OPA3: variants seen among roughly 807,000 people sequenced by gnomAD.
OPA3 encodes the protein outer mitochondrial membrane lipid metabolism regulator OPA3.
A neutral mutation model predicts 4.0 loss-of-function variants in OPA3; 6 were observed. The ratio of observed to expected loss-of-function variants is 1.51; its 90% CI spans 0.83 to 2.99. The LOEUF (loss-of-function observed/expected upper bound fraction) is 2.99. OPA3 is among the 30% of genes most tolerant of loss of function. The probability of loss-of-function intolerance (pLI) is 0.00; values close to 1 mark genes in which losing one functional copy is unlikely to be tolerated. For synonymous variants in OPA3, 105 were observed against 117.1 expected, an observed-to-expected ratio of 0.90 and a Z score of 0.67; for missense variants, 235 against 256.2, an observed-to-expected ratio of 0.92 and a Z score of 0.56.
chr19:45,541,549 A>G (rs1969185527), downstream of OPA3, among the ~76,000 whole-genome samples: 1 of 152,100 alleles, frequency 6.6e-6, no homozygotes, highest in Non-Finnish European at 1.5e-5. Flanking sequence ...CTACTAAAAA[A>G]TAAAACAAAA....
Position 45,553,308 on chromosome 19 carries a change from T to C in OPA3, c.*206A>G. 7 of 1,447,636 alleles carry C rather than the reference T, an allele frequency of 4.8e-6. No homozygotes were observed. The highest frequency in any genetic ancestry group is 6.3e-6 in the Non-Finnish European group (7 of 1,102,368). The allele number at this position is 1,447,636 out of a possible 1,614,324, so 89.7% of individuals were successfully genotyped here. On this transcript the variant is annotated 3_prime_UTR_variant, in exon 2 of 2. Transcript: ENST00000263275. ...GGAGTGGGGGATAGGAGGTGAAGGA[T>C]GATGGAGGGGGCTATGTTGCAACGC... is the stretch of plus-strand genomic sequence containing the variant.
chr19:45,552,494 G>C lies in OPA3; in HGVS notation c.*1020C>G, dbSNP rs1299845086. 6.6e-6 allele frequency: 1 copy of C among 151,762 alleles called. No individual in the cohort carries two copies. Among genetic ancestry groups the C allele is most frequent in the Non-Finnish European group, 1.5e-5 (1 of 68,272 alleles). 9.4% of individuals were successfully genotyped at this position (151,762 alleles called of 1,614,324 possible). On this transcript the variant is annotated 3_prime_UTR_variant, in exon 2 of 2. Transcript: ENST00000263275. ...CCACCTCGACCTTCCAAAGTGCTGGGATTGCAGGTGTGAGCCACCGTGCCC... is the reference window on the plus strand; with the variant it reads ...CCACCTCGACCTTCCAAAGTGCTGGCATTGCAGGTGTGAGCCACCGTGCCC...
chr19:45,570,678 C>T (rs919561295), intron 1 of OPA3, among the ~76,000 whole-genome samples: 22 of 151,594 alleles, frequency 1.5e-4, no homozygotes, highest in Non-Finnish European at 3.2e-4. Context: ...CAGAGTGAGA[C>T]TCCATCTTGG....
intron 1 of OPA3, among the ~76,000 whole-genome samples, chr19:45,561,176 A>G (rs1302785396): frequency 6.6e-6 from 1 of 152,094 alleles, no homozygotes; most frequent in Non-Finnish European, 1.5e-5. Flanking sequence ...TCTACTAAAA[A>G]TACAAAATTA....
In OPA3 at chr19:45,548,410, G is replaced by A; in HGVS notation, c.*5104C>T. The A allele has an allele frequency of 1.0e-5, 10 of 985,588 alleles. No homozygotes were observed. Among genetic ancestry groups the A allele is most frequent in the Non-Finnish European group, 1.2e-5 (10 of 830,026 alleles). The allele number at this position is 985,588 out of a possible 1,614,324, so 61.1% of individuals were successfully genotyped here. ...CACAGCCCTCAGGGCACCTCCCAGG[G>A]TTTTGTGAGCTGGGATGAATGGGTT... On this transcript the variant is annotated 3_prime_UTR_variant, in exon 2 of 2. Transcript: ENST00000263275.
chr19:45,534,725 C>T (rs1020830437), intron 1 of OPA3, among the ~76,000 whole-genome samples: 2 of 151,706 alleles, frequency 1.3e-5, no homozygotes, highest in Admixed American at 6.6e-5. Context: ...CTCCGCCTCC[C>T]AGGTTCAAGC....
chr19:45,548,907 G>T lies in OPA3; in HGVS notation c.*4607C>A. On this transcript the variant is annotated 3_prime_UTR_variant, in exon 2 of 2. Coordinates refer to ENST00000263275, the MANE Select transcript of OPA3 (RefSeq NM_025136.4). ...CAACCTCCGCCTCCCGGGTCCAAGAGATTCTCCTGCCTCAGCCTCCCGAGT... is the reference window on the plus strand; with the variant it reads ...CAACCTCCGCCTCCCGGGTCCAAGATATTCTCCTGCCTCAGCCTCCCGAGT... The T allele has an allele frequency of 2.9e-6, 1 of 348,420 alleles. No individual in the cohort carries two copies. The highest frequency in any genetic ancestry group is 4.0e-6 in the Non-Finnish European group (1 of 248,254). 21.6% of individuals were successfully genotyped at this position (348,420 alleles called of 1,614,324 possible).
intron 1 of OPA3, among the ~76,000 whole-genome samples, chr19:45,535,813 G>A (rs1239061557): frequency 2.9e-5 from 4 of 138,688 alleles, no homozygotes; most frequent in Non-Finnish European, 4.6e-5. Flanking sequence ...CACCCAGGCT[G>A]GAGTGCAATA....
chr19:45,532,067 A>G (rs1414059082), intron 1 of OPA3, among the ~76,000 whole-genome samples: 1 of 152,216 alleles, frequency 6.6e-6, no homozygotes. Context: ...GCTTTGGGCC[A>G]TGTGATATCA....
At chr19:45,564,751 T>C (rs1433098) in intron 1 of OPA3, among the ~76,000 whole-genome samples, 1 of 151,954 alleles carries the variant, frequency 6.6e-6, no homozygotes, top group African/African-American at 2.4e-5. Flanking sequence ...ACACCAACTA[T>C]CTCTTTTTTA....
intron 1 of OPA3, among the ~76,000 whole-genome samples, chr19:45,541,034 T>A (rs1212325795): frequency 6.6e-6 from 1 of 152,176 alleles, no homozygotes; most frequent in Non-Finnish European, 1.5e-5. Flanking sequence ...GCGCCATTGC[T>A]GTTAGTCTGA....
chr19:45,563,918 G>A (rs1176623128), intron 1 of OPA3, among the ~76,000 whole-genome samples: 6 of 150,082 alleles, frequency 4.0e-5, no homozygotes, highest in Non-Finnish European at 7.4e-5. Context: ...TTGAACTCCT[G>A]AGCTCAAGCA....
At chr19:45,557,951 G>A (rs943339292) in intron 1 of OPA3, among the ~76,000 whole-genome samples, 4 of 152,228 alleles carry the variant, frequency 2.6e-5, no homozygotes, top group Non-Finnish European at 4.4e-5. Context: ...AGTGAGTCCC[G>A]CCTCCAGCCT....
intron 1 of OPA3, among the ~76,000 whole-genome samples, chr19:45,536,265 C>T (rs928022864): frequency 1.6e-4 from 24 of 150,196 alleles, no homozygotes; most frequent in Admixed American, 7.3e-4. Context: ...AAATGTGGGC[C>T]GGGCACGGTG....
intron 1 of OPA3, among the ~76,000 whole-genome samples, chr19:45,565,301 T>C (rs1323985900): frequency 9.3e-5 from 14 of 151,288 alleles, no homozygotes; most frequent in Admixed American, 7.2e-4. Flanking sequence ...TTTCTATTAG[T>C]ATACCACTGA....
intron 1 of OPA3, among the ~76,000 whole-genome samples, chr19:45,574,190 G>T (rs1158757277): frequency 6.6e-6 from 1 of 151,682 alleles, no homozygotes; most frequent in Admixed American, 6.6e-5. Context: ...TCAGGAGATC[G>T]AGACCATCCT....
intron 1 of OPA3, among the ~76,000 whole-genome samples, chr19:45,566,464 C>T (rs7249273): frequency 0.038 from 5,134 of 134,256 alleles, 173 homozygotes; most frequent in African/African-American, 0.095. Context: ...ATCCACCAGC[C>T]TGATTTTTCT....
At position 45,549,220 on chromosome 19, in the gene OPA3, G is replaced by C; in HGVS notation, c.*4294C>G. On this transcript the variant is annotated 3_prime_UTR_variant, in exon 2 of 2. Coordinates refer to ENST00000263275, the MANE Select transcript of OPA3 (RefSeq NM_025136.4). ...TACAAGGTACACAGAATTCTAGCTA[G>C]CAGAACACACGAGCAGTGAACCATC... 2 of 985,384 alleles carry C rather than the reference G, an allele frequency of 2.0e-6. No individual in the cohort carries two copies. Among genetic ancestry groups the C allele is most frequent in the Non-Finnish European group, 2.4e-6 (2 of 829,940 alleles). The allele number at this position is 985,384 out of a possible 1,614,324, so 61.0% of individuals were successfully genotyped here.
At chr19:45,560,642 C>T (rs573868784) in intron 1 of OPA3, among the ~76,000 whole-genome samples, 30 of 152,278 alleles carry the variant, frequency 2.0e-4, no homozygotes, top group African/African-American at 7.0e-4. Flanking sequence ...ACCCTTTCCT[C>T]GGCCTCAGTG....
Sources: gnomAD v4.1 joint callset for allele counts (sites outside exome capture counted in the v4.1 genomes callset) on GRCh38, gnomAD v4.1.1 for gene constraint, MANE v1.5 for transcripts, NCBI Gene and HGNC (gene_info 2026-07-23, HGNC 2026-07-21) for gene names.